Variants in CSMD1 observed in about 807,000 individuals in gnomAD.
CSMD1 encodes CUB and sushi domain-containing protein 1.
In CSMD1, 213 loss-of-function variants were observed where a neutral mutation model predicts 417.5. That is an observed-to-expected ratio of 0.51 (90% CI 0.46 to 0.57). The LOEUF is 0.57. Among genes scored for constraint, CSMD1 ranks in the 20% least tolerant of loss-of-function variants. The pLI is 0.00. For synonymous variants in CSMD1, 2,862 were observed against 1,736.8 expected (o/e 1.65, Z -16.11); for missense variants, 6,923 against 4,529.7 (o/e 1.53, Z -15.17).
chr8:3,039,563 T>A (rs566512076), intron 50 of CSMD1, among the ~76,000 whole-genome samples: 1 of 151,990 alleles, frequency 6.6e-6, no homozygotes, highest in African/African-American at 2.4e-5. Context: ...TCCTCCTTAT[T>A]TTCTTCCTCA....
intron 1 of CSMD1, among the ~76,000 whole-genome samples, chr8:4,805,788 C>A (rs1014904647): frequency 1.3e-5 from 2 of 152,102 alleles, no homozygotes; most frequent in Admixed American, 6.5e-5. Flanking sequence ...TCAGGGTGAA[C>A]ACGTTGAGAT....
At chr8:4,446,807 G>C (rs538969820) in intron 2 of CSMD1, among the ~76,000 whole-genome samples, 2 of 149,050 alleles carry the variant, frequency 1.3e-5, no homozygotes, top group African/African-American at 2.5e-5. Flanking sequence ...ATTTTTAGTA[G>C]AGCCAAGTTT....
At chr8:4,405,029 A>C (rs1804912239) in intron 3 of CSMD1, among the ~76,000 whole-genome samples, 1 of 152,252 alleles carries the variant, frequency 6.6e-6, no homozygotes, top group South Asian at 2.1e-4. Flanking sequence ...TGAGGTTTAA[A>C]CTAGCATGTC....
At position 4,436,498 on chromosome 8, in the gene CSMD1, TCTCTC is replaced by T. The variant is rs1300643995; in HGVS notation, c.303-16438_303-16434del. Reference sequence around the variant, plus strand: ...AATAATCACCTCAGGTTGAGGGGTATCTCTCCTCTCAAACATTTATCCTTCAAGTA... The same window carrying T: ...AATAATCACCTCAGGTTGAGGGGTATCTCTCAAACATTTATCCTTCAAGTA... On this transcript the variant is annotated intron_variant, in intron 2 of 69. Transcript: ENST00000635120. 2.0e-5 allele frequency among the ~76,000 whole-genome samples: 3 copies of T among 152,092 alleles called. No homozygotes were observed. The East Asian group carries it at 5.8e-4, about 29-fold the overall frequency.
intron 51 of CSMD1, among the ~76,000 whole-genome samples, chr8:3,020,223 C>T (rs114781995): frequency 1.8e-4 from 27 of 152,310 alleles, no homozygotes; most frequent in African/African-American, 5.8e-4. Flanking sequence ...CCATCCCTCG[C>T]ACATAAGCAG....
At chr8:3,980,610 C>G (rs1813785240) in intron 5 of CSMD1, among the ~76,000 whole-genome samples, 2 of 152,054 alleles carry the variant, frequency 1.3e-5, no homozygotes, top group African/African-American at 4.8e-5. Flanking sequence ...TTTTTATGCC[C>G]CAATGATGCC....
chr8:3,535,361 C>G (rs1042160761), intron 10 of CSMD1, among the ~76,000 whole-genome samples: 3 of 152,106 alleles, frequency 2.0e-5, no homozygotes, highest in African/African-American at 7.2e-5. Context: ...GAACCTGAGT[C>G]CAGAGGACAG....
At chr8:4,232,554 T>C (rs894350287) in intron 3 of CSMD1, among the ~76,000 whole-genome samples, 2 of 152,198 alleles carry the variant, frequency 1.3e-5, no homozygotes, top group Non-Finnish European at 2.9e-5. Context: ...TTGGCTTTTC[T>C]CCACTCAAAA....
intron 5 of CSMD1, among the ~76,000 whole-genome samples, chr8:3,963,755 C>T (rs1374746169): frequency 6.6e-6 from 1 of 151,974 alleles, no homozygotes; most frequent in Non-Finnish European, 1.5e-5. Flanking sequence ...ATGAATATCA[C>T]AATAGTATAG....
intron 3 of CSMD1, among the ~76,000 whole-genome samples, chr8:4,379,871 C>G (rs925257792): frequency 6.6e-6 from 1 of 152,186 alleles, no homozygotes; most frequent in African/African-American, 2.4e-5. Flanking sequence ...TGTTCACATG[C>G]TGGCATGCTG....
At chr8:4,568,259 T>G (rs935174103) in intron 2 of CSMD1, among the ~76,000 whole-genome samples, 1 of 152,144 alleles carries the variant, frequency 6.6e-6, no homozygotes, top group African/African-American at 2.4e-5. Context: ...GGATTTCCCC[T>G]AATGCTATGC....
At chr8:4,129,744 G>C (rs1802982403) in intron 3 of CSMD1, among the ~76,000 whole-genome samples, 1 of 151,768 alleles carries the variant, frequency 6.6e-6, no homozygotes, top group African/African-American at 2.4e-5. Context: ...CTTTCAATCT[G>C]GAAATAACCA....
At chr8:3,740,690 G>A (rs1049844171) in intron 6 of CSMD1, among the ~76,000 whole-genome samples, 5 of 152,130 alleles carry the variant, frequency 3.3e-5, no homozygotes, top group Admixed American at 2.0e-4. Context: ...AAGAGGAGTC[G>A]AAGCAAACAA....
chr8:3,170,948 G>A (rs1255930222), intron 37 of CSMD1, among the ~76,000 whole-genome samples: 2 of 152,116 alleles, frequency 1.3e-5, no homozygotes, highest in Non-Finnish European at 1.5e-5. Context: ...TAATAAAGCG[G>A]GCACACAATG....
chr8:3,611,289 G>C (rs1801881663), intron 8 of CSMD1, among the ~76,000 whole-genome samples: 1 of 151,856 alleles, frequency 6.6e-6, no homozygotes, highest in African/African-American at 2.4e-5. Flanking sequence ...CAGGGAAAAT[G>C]ATTGTTTTAA....
chr8:3,485,449 T>TA (rs1422645057), intron 11 of CSMD1, among the ~76,000 whole-genome samples: 2 of 151,796 alleles, frequency 1.3e-5, no homozygotes, highest in Admixed American at 1.3e-4. Flanking sequence ...CTTTGGGGTA[T>TA]TAGAAATTAC....
intron 41 of CSMD1, among the ~76,000 whole-genome samples, chr8:3,119,964 G>T (rs987473959): frequency 6.6e-6 from 1 of 152,150 alleles, no homozygotes; most frequent in Non-Finnish European, 1.5e-5. Flanking sequence ...CTGCAGAGGG[G>T]CCTTTTCTGT....
intron 37 of CSMD1, among the ~76,000 whole-genome samples, chr8:3,173,220 A>G (rs898731861): frequency 6.6e-6 from 1 of 152,188 alleles, no homozygotes; most frequent in Non-Finnish European, 1.5e-5. Flanking sequence ...TTAATCTGTT[A>G]TTAGTTTTTT....
chr8:3,235,564 T>TA (rs1265581402), intron 26 of CSMD1, among the ~76,000 whole-genome samples: 2 of 152,252 alleles, frequency 1.3e-5, no homozygotes, highest in Admixed American at 6.5e-5. Flanking sequence ...TGTACCACAG[T>TA]AAAAAACTTC....
Sources: allele counts gnomAD v4.1 joint callset (sites outside exome capture counted in the v4.1 genomes callset), GRCh38; gene constraint gnomAD v4.1.1; transcripts MANE v1.5; gene names NCBI Gene and HGNC (gene_info 2026-07-23, HGNC 2026-07-21).